The following NAV3 variants were observed in gnomAD, a reference collection of about 807,000 sequenced individuals.
NAV3 encodes neuron navigator 3, also known as pore membrane and/or filament interacting like protein 1.
Under a neutral mutation model 244.7 loss-of-function variants are expected in NAV3, and 87 were observed. The ratio of observed to expected loss-of-function variants is 0.36; its 90% CI spans 0.30 to 0.42. The LOEUF (loss-of-function observed/expected upper bound fraction) is 0.42. Among genes scored for constraint, NAV3 ranks in the 20% least tolerant of loss-of-function variants. NAV3 has a pLI of 1.00. For synonymous variants in NAV3, 1,126 were observed against 1,042.2 expected (o/e 1.08, Z -1.55); for missense variants, 2,663 against 2,893.3 (o/e 0.92, Z 1.83).
intron 1 of NAV3, among the ~76,000 whole-genome samples, chr12:77,834,985 C>A (rs886630764): frequency 6.6e-6 from 1 of 152,026 alleles, no homozygotes; most frequent in Non-Finnish European, 1.5e-5. Context: ...GTCAACATAA[C>A]AATAGCATAA....
At position 78,205,004 on chromosome 12, in the gene NAV3, G is replaced by A; in HGVS notation, c.6904G>A (p.Ala2302Thr). 6.2e-7 allele frequency: 1 copy of A among 1,613,554 alleles called. No homozygotes were observed. Among genetic ancestry groups the A allele is most frequent in the Non-Finnish European group, 8.5e-7 (1 of 1,179,738 alleles). The change falls in exon 39 of 40, where the codon GCA becomes ACA. Residue 2302 changes from alanine to threonine, a missense_variant. Physicochemically the swap from Ala to Thr is moderately conservative, Grantham distance 58. This residue lies in a region of NAV3 where 543 missense variants were observed against 672.4 expected (regional missense o/e 0.81). Transcript: ENST00000397909. The stretch of plus-strand genomic sequence containing the variant: ...GCTTGACACATATCCATGGAGCTCA[G>A]CAACTCTGCCTCAGGAGAGCCCAGC... Reference protein sequence around the residue: ...WVLDTYPWSSATLPQESPALL... With the variant: ...WVLDTYPWSSTTLPQESPALL...
intron 12 of NAV3, among the ~76,000 whole-genome samples, chr12:78,098,740 A>T (rs780538240): frequency 6.6e-6 from 1 of 151,872 alleles, no homozygotes; most frequent in Non-Finnish European, 1.5e-5. Context: ...GCATTTAAAA[A>T]TGTAATACAA....
chr12:78,167,695 C>T (rs890920880), intron 23 of NAV3, among the ~76,000 whole-genome samples: 2 of 151,412 alleles, frequency 1.3e-5, no homozygotes, highest in Non-Finnish European at 3.0e-5. Context: ...CTTTGGCTTT[C>T]TGCCAAAGAT....
At chr12:77,597,805 TG>T (rs926121878) in intron 2 of NAV3, among the ~76,000 whole-genome samples, 23 of 152,094 alleles carry the variant, frequency 1.5e-4, no homozygotes, top group African/African-American at 5.3e-4. Flanking sequence ...ATTTAAAAAC[TG>T]ACAGAGGAAG....
chr12:77,950,755 A>G (rs1451284717), intron 3 of NAV3: 1 of 152,204 alleles, frequency 6.6e-6, no homozygotes, highest in Non-Finnish European at 1.5e-5. Flanking sequence ...GCCCTCAGAA[A>G]TAATACCACA....
At chr12:77,772,774 G>A (rs561277075) in intron 2 of NAV3, among the ~76,000 whole-genome samples, 12 of 152,160 alleles carry the variant, frequency 7.9e-5, no homozygotes, top group South Asian at 6.2e-4. Flanking sequence ...TTTTTACTGC[G>A]GTTTAGAATG....
chr12:77,639,883 G>C (rs1427933979), intron 2 of NAV3, among the ~76,000 whole-genome samples: 1 of 152,182 alleles, frequency 6.6e-6, no homozygotes, highest in East Asian at 1.9e-4. Context: ...AGTCTGACTG[G>C]AGGCCTAAAA....
chr12:78,165,628 GC>G (rs1339213190), intron 23 of NAV3, among the ~76,000 whole-genome samples: 1 of 151,584 alleles, frequency 6.6e-6, no homozygotes, highest in Non-Finnish European at 1.5e-5. Context: ...GCATCTGAAG[GC>G]CACATTACAA....
intron 1 of NAV3, among the ~76,000 whole-genome samples, chr12:77,887,121 G>A (rs1883387378): frequency 6.6e-6 from 1 of 152,126 alleles, no homozygotes; most frequent in Non-Finnish European, 1.5e-5. Flanking sequence ...TTCAGCATAG[G>A]TGCATTTAAT....
At chr12:77,580,278 C>A (rs1468652989) in intron 2 of NAV3, among the ~76,000 whole-genome samples, 1 of 149,292 alleles carries the variant, frequency 6.7e-6, no homozygotes, top group Non-Finnish European at 1.5e-5. Context: ...GGAAGTATAA[C>A]TAATAAATCA....
chr12:77,844,924 A>G (rs1876356160), intron 1 of NAV3, among the ~76,000 whole-genome samples: 1 of 152,204 alleles, frequency 6.6e-6, no homozygotes, highest in African/African-American at 2.4e-5. Flanking sequence ...TAGGACAAGA[A>G]TAGCAACCTC....
chr12:77,677,152 T>G (rs1278257885), intron 2 of NAV3, among the ~76,000 whole-genome samples: 1 of 152,216 alleles, frequency 6.6e-6, no homozygotes, highest in Non-Finnish European at 1.5e-5. Context: ...ATTGAAGAGA[T>G]AGTTTCAGTT....
At chr12:77,889,010 G>A (rs1479075422) in intron 1 of NAV3, among the ~76,000 whole-genome samples, 1 of 152,160 alleles carries the variant, frequency 6.6e-6, no homozygotes, top group Admixed American at 6.5e-5. Context: ...ACCTGCATCT[G>A]CTGGGCCCAG....
intron 2 of NAV3, among the ~76,000 whole-genome samples, chr12:77,757,322 C>T (rs1869233262): frequency 6.6e-6 from 1 of 152,128 alleles, no homozygotes; most frequent in South Asian, 2.1e-4. Flanking sequence ...GTATAATTTT[C>T]CTGTAGCAAT....
rs755167870 is a variant in NAV3, at chr12:77,968,669, G to A, written c.638G>A (p.Ser213Asn). The change falls in exon 5 of 40, where the codon AGC becomes AAC. Residue 213 changes from serine to asparagine, a missense_variant. Around this residue, in one of 6 missense-constraint regions of NAV3, gnomAD observed 1,521 missense variants for 1,497.0 expected, o/e 1.02. Transcript: ENST00000397909. Reference sequence around the variant, plus strand: ...CACGCTTCCCCTCCATCGGAAGCCAGCCAGGCCAAAACCCAGCAAGATATG... The same window carrying A: ...CACGCTTCCCCTCCATCGGAAGCCAACCAGGCCAAAACCCAGCAAGATATG... ...VTHASPPSEA[S>N]QAKTQQDMQS... 19 of 1,613,938 alleles carry A rather than the reference G, an allele frequency of 1.2e-5. No individual in the cohort carries two copies. The highest frequency in any genetic ancestry group is 1.6e-5 in the Non-Finnish European group (19 of 1,179,992).
chr12:77,649,904 A>G (rs1565753063), intron 2 of NAV3, among the ~76,000 whole-genome samples: 1 of 152,130 alleles, frequency 6.6e-6, no homozygotes, highest in Non-Finnish European at 1.5e-5. Context: ...TATTTTGGTT[A>G]GGGTTCCTTC....
At chr12:77,613,483 A>G (rs1273878126) in intron 2 of NAV3, among the ~76,000 whole-genome samples, 1 of 152,120 alleles carries the variant, frequency 6.6e-6, no homozygotes, top group Non-Finnish European at 1.5e-5. Context: ...ATCATGTTTC[A>G]AAGACTCAGG....
At chr12:77,648,625 G>A (rs941168964) in intron 2 of NAV3, among the ~76,000 whole-genome samples, 2 of 152,078 alleles carry the variant, frequency 1.3e-5, no homozygotes, top group South Asian at 2.1e-4. Flanking sequence ...AGGAAACTAC[G>A]AAGATATCTG....
chr12:78,116,227 C>A (rs916393510), intron 12 of NAV3, among the ~76,000 whole-genome samples: 1 of 151,926 alleles, frequency 6.6e-6, no homozygotes, highest in Non-Finnish European at 1.5e-5. Context: ...TGAGGGATGG[C>A]AGGAGAGATG....
Sources: allele counts gnomAD v4.1 joint callset (sites outside exome capture counted in the v4.1 genomes callset), GRCh38; gene constraint gnomAD v4.1.1; regional missense constraint gnomAD v4.1.1; transcripts MANE v1.5; gene names NCBI Gene and HGNC (gene_info 2026-07-23, HGNC 2026-07-21).